OR4Q3: variants seen among roughly 807,000 people sequenced by gnomAD.
The protein encoded by OR4Q3 is olfactory receptor 4Q3.
In OR4Q3, 17 loss-of-function variants were observed where a neutral mutation model predicts 18.8. The observed-to-expected ratio is 0.91, with a 90% CI of 0.62 to 1.36. The LOEUF (loss-of-function observed/expected upper bound fraction) is 1.36, where lower values mean the gene tolerates loss of function less well. Among genes scored for constraint, OR4Q3 ranks in the 40% most tolerant of loss-of-function variants. OR4Q3 has a pLI of 0.00. For missense variants in OR4Q3, 378 were observed against 373.4 expected (o/e 1.01, Z -0.10); for synonymous variants, 158 against 145.8 (o/e 1.08, Z -0.60).
At chr14:19,749,854 CTTTCTTTCTTTCTTTCTT>C, downstream of OR4Q3, among the ~76,000 whole-genome samples, 13 of 4,010 alleles carry the variant, frequency 3.2e-3, no homozygotes, top group African/African-American at 5.0e-3. Context: ...TTACTTCTTT[CTTTCTTTCTTTCTTTCTT>C]TCTTTCTTTC....
downstream of OR4Q3, among the ~76,000 whole-genome samples, chr14:19,750,953 C>T: frequency 6.6e-6 from 1 of 152,190 alleles, no homozygotes; most frequent in Non-Finnish European, 1.5e-5. Context: ...AGGAAACTGC[C>T]CAAGAGTACT....
downstream of OR4Q3, among the ~76,000 whole-genome samples, chr14:19,752,001 T>C: frequency 6.6e-6 from 1 of 152,222 alleles, no homozygotes; most frequent in Non-Finnish European, 1.5e-5. Context: ...ACCCTTGCTT[T>C]TCAGCATATA....
intron 1 of OR4Q3, among the ~76,000 whole-genome samples, chr14:19,744,503 CAG>C (rs1356040349): frequency 1.3e-5 from 2 of 152,252 alleles, no homozygotes; most frequent in African/African-American, 4.8e-5. Context: ...GAAGAGAGAC[CAG>C]CTGCTTAGCT....
At chr14:19,751,992 C>T, downstream of OR4Q3, among the ~76,000 whole-genome samples, 12,057 of 150,952 alleles carry the variant, frequency 0.08, 365 homozygotes, top group African/African-American at 0.21. Flanking sequence ...TGAAGCTAGA[C>T]CCTTGCTTTT....
chr14:19,743,810 C>CA (rs1453204874), intron 1 of OR4Q3, 139 bp downstream of exon 1: 1 of 152,144 alleles, frequency 6.6e-6, no homozygotes, highest in Non-Finnish European at 1.5e-5. Flanking sequence ...TTTAAGAGAT[C>CA]ATTTGAGTTT....
chr14:19,747,585 C>A, exon 2 of OR4Q3: 1 of 1,613,922 alleles, frequency 6.2e-7, no homozygotes, highest in Non-Finnish European at 8.5e-7. Context: ...CAAGCCCATG[C>A]TCACCTGCTC....
chr14:19,743,746 T>G (rs1877360253), intron 1 of OR4Q3, 75 bp downstream of exon 1: 1 of 152,268 alleles, frequency 6.6e-6, no homozygotes, highest in African/African-American at 2.4e-5. Context: ...TTTTTATGTT[T>G]ACTGTTGTCC....
exon 2 of OR4Q3, chr14:19,748,920 G>A: frequency 6.5e-6 from 1 of 154,610 alleles, no homozygotes; most frequent in Non-Finnish European, 1.4e-5. Flanking sequence ...TTTTAGAAAT[G>A]TAGTCAGGCA....
exon 2 of OR4Q3, chr14:19,747,538 T>C: frequency 6.2e-7 from 1 of 1,613,772 alleles, no homozygotes; most frequent in East Asian, 2.2e-5. Flanking sequence ...TTTACATTGC[T>C]ATTGTCCTGG....
chr14:19,748,232 G>T, exon 2 of OR4Q3: 2 of 1,613,884 alleles, frequency 1.2e-6, no homozygotes, highest in African/African-American at 1.3e-5. Context: ...CTTCTCTGTG[G>T]ATAAGATATT....
downstream of OR4Q3, among the ~76,000 whole-genome samples, chr14:19,750,514 G>A: frequency 6.6e-6 from 1 of 152,296 alleles, no homozygotes; most frequent in African/African-American, 2.4e-5. Flanking sequence ...AATTGCCATA[G>A]AGAGGCTTTT....
chr14:19,745,096 A>G, intron 1 of OR4Q3, among the ~76,000 whole-genome samples: 4 of 152,310 alleles, frequency 2.6e-5, no homozygotes, highest in South Asian at 2.1e-4. Flanking sequence ...TAAAACTCAA[A>G]TAACTGACAT....
At chr14:19,749,798 CTCTCTT>C, downstream of OR4Q3, among the ~76,000 whole-genome samples, 356 of 80,898 alleles carry the variant, frequency 4.4e-3, 9 homozygotes, top group Admixed American at 3.0e-3. Context: ...CTTTCTTTCT[CTCTCTT>C]TCTCTCTATT....
exon 2 of OR4Q3, chr14:19,748,505 T>A: frequency 2.9e-6 from 2 of 698,040 alleles, no homozygotes; most frequent in Non-Finnish European, 4.6e-6. Context: ...AATGGATCAC[T>A]CTTGATTACA....
downstream of OR4Q3, among the ~76,000 whole-genome samples, chr14:19,750,438 C>T: frequency 3.3e-5 from 5 of 152,316 alleles, no homozygotes; most frequent in South Asian, 8.3e-4. Context: ...ATTCTATTTA[C>T]TATATAATAA....
intron 1 of OR4Q3, among the ~76,000 whole-genome samples, chr14:19,745,252 T>A: frequency 6.6e-6 from 1 of 152,194 alleles, no homozygotes; most frequent in Non-Finnish European, 1.5e-5. Flanking sequence ...TTTAAACAAG[T>A]AGGCAATAAA....
At chr14:19,748,124 G>T in exon 2 of OR4Q3, 3 of 1,613,884 alleles carry the variant, frequency 1.9e-6, no homozygotes, top group African/African-American at 1.3e-5. Flanking sequence ...CTTCTGCCAG[G>T]GCCAGAACAA....
intron 1 of OR4Q3, among the ~76,000 whole-genome samples, chr14:19,745,407 G>T: frequency 6.6e-6 from 1 of 151,918 alleles, no homozygotes; most frequent in Non-Finnish European, 1.5e-5. Context: ...ATGTTCGGTG[G>T]AAAAAACAAG....
In OR4Q3 at chr14:19,748,354, TC is replaced by T; in HGVS notation, c.953del (p.Pro318HisfsTer7). 8.7e-6 allele frequency: 14 copies of T among 1,606,646 alleles called. No homozygotes were observed. In the South Asian group the frequency reaches 1.3e-4, roughly 15 times the overall value. ...AGCTGAGGATAAAACCATGTGGCATTCCATTGCCTTGTTAAGGAATGAGCAG... is the reference window on the plus strand; with the variant it reads ...AGCTGAGGATAAAACCATGTGGCATTCATTGCCTTGTTAAGGAATGAGCAG... On this transcript the variant is annotated frameshift_variant, in exon 2 of 2. Transcript: ENST00000642117. LOFTEE classifies it high-confidence loss of function.
Sources: allele counts gnomAD v4.1 joint callset (sites outside exome capture counted in the v4.1 genomes callset), GRCh38; gene constraint gnomAD v4.1.1; transcripts MANE v1.5; gene names NCBI Gene and HGNC (gene_info 2026-07-23, HGNC 2026-07-21).